The following LTF variants were observed in gnomAD, a reference collection of about 807,000 sequenced individuals.
The protein encoded by LTF is epididymis luminal protein 110.
LTF carries 91 observed loss-of-function variants against 87.2 expected under a neutral mutation model. The ratio of observed to expected loss-of-function variants is 1.04; its 90% CI spans 0.88 to 1.24. The LOEUF (loss-of-function observed/expected upper bound fraction) is 1.24, where lower values mean the gene tolerates loss of function less well. Among genes scored for constraint, LTF ranks in the 50% most tolerant of loss-of-function variants. LTF has a pLI of 0.00. For missense variants in LTF, 901 were observed against 904.3 expected (o/e 1.00, Z 0.05); for synonymous variants, 378 against 356.1 (o/e 1.06, Z -0.69).
intron 16 of LTF, among the ~76,000 whole-genome samples, chr3:46,437,183 A>T (rs776137484): frequency 1.3e-5 from 2 of 152,246 alleles, no homozygotes; most frequent in Admixed American, 1.3e-4. Flanking sequence ...ATACTCTGTG[A>T]TGTCTTCTAA....
intron 14 of LTF, among the ~76,000 whole-genome samples, chr3:46,439,747 G>A (rs1432200428): frequency 6.6e-6 from 1 of 152,202 alleles, no homozygotes; most frequent in African/African-American, 2.4e-5. Flanking sequence ...CATGAACCTC[G>A]AAAACGATGC....
At chr3:46,441,371 C>A (rs759060525) in intron 14 of LTF, 45 bp downstream of exon 14, 1 of 1,503,940 alleles carries the variant, frequency 6.6e-7, no homozygotes, top group Non-Finnish European at 9.2e-7. Flanking sequence ...TGTTGTGATG[C>A]CAAAGACTCT....
At chr3:46,449,332 C>A (rs952845167) in intron 8 of LTF, among the ~76,000 whole-genome samples, 2 of 152,188 alleles carry the variant, frequency 1.3e-5, no homozygotes, top group African/African-American at 2.4e-5. Flanking sequence ...GACCCAGAGA[C>A]CAGTGACAGT....
intron 6 of LTF, among the ~76,000 whole-genome samples, chr3:46,450,910 G>C (rs1702788635): frequency 6.6e-6 from 1 of 152,150 alleles, no homozygotes; most frequent in South Asian, 2.1e-4. Flanking sequence ...GCCACCCTGG[G>C]GTTCCCGTGC....
chr3:46,449,823 C>A (rs375031745), intron 8 of LTF, 31 bp downstream of exon 8: 2 of 1,611,456 alleles, frequency 1.2e-6, no homozygotes, highest in African/African-American at 1.3e-5. Context: ...CCACACCAGG[C>A]GGACCTCAGG....
chr3:46,450,351 C>T (rs1050351243), intron 7 of LTF, 144 bp downstream of exon 7: 9 of 858,070 alleles, frequency 1.0e-5, no homozygotes, highest in Admixed American at 5.1e-5. Flanking sequence ...CACAGTACAG[C>T]CTGGGCAAGC....
intron 1 of LTF, among the ~76,000 whole-genome samples, chr3:46,476,392 T>A (rs1703359927): frequency 6.6e-6 from 1 of 152,234 alleles, no homozygotes; most frequent in African/African-American, 2.4e-5. Context: ...TAAACATGAA[T>A]GGATGTTGAA....
intron 7 of LTF, 67 bp downstream of exon 7, chr3:46,450,428 G>A (rs1575314015): frequency 6.6e-7 from 1 of 1,518,210 alleles, no homozygotes; most frequent in African/African-American, 1.4e-5. Flanking sequence ...AGAAGTCAGG[G>A]AAGTAAGAAA....
intron 11 of LTF, among the ~76,000 whole-genome samples, chr3:46,445,775 G>C (rs1345076978): frequency 6.6e-6 from 1 of 152,198 alleles, no homozygotes; most frequent in Non-Finnish European, 1.5e-5. Context: ...AACAACAAGA[G>C]AGACCCCAAC....
intron 1 of LTF, among the ~76,000 whole-genome samples, chr3:46,479,744 T>C (rs1311703360): frequency 6.6e-6 from 1 of 152,118 alleles, no homozygotes; most frequent in Non-Finnish European, 1.5e-5. Context: ...TCTAGGCTGG[T>C]CTCGAACTCC....
At chr3:46,473,259 T>C (rs1703317808) in intron 1 of LTF, among the ~76,000 whole-genome samples, 1 of 152,160 alleles carries the variant, frequency 6.6e-6, no homozygotes, top group African/African-American at 2.4e-5. Context: ...AGAACCTCAA[T>C]CTCCTTCCTC....
chr3:46,483,513 G>A (rs1185812409), intron 1 of LTF, among the ~76,000 whole-genome samples: 5 of 152,138 alleles, frequency 3.3e-5, no homozygotes, highest in Non-Finnish European at 1.5e-5. Context: ...TAAGAGGTTG[G>A]ACACAAAAGA....
rs144111141 is a variant in LTF, at chr3:46,443,532, G to A, written c.1564C>T (p.Leu522Phe). The A allele has an allele frequency of 1.7e-4, 279 of 1,614,072 alleles. No homozygotes were observed. Among genetic ancestry groups the A allele is most frequent in the Non-Finnish European group, 2.3e-4 (272 of 1,180,038 alleles). ...CAPGSDPRSN[L>F]CALCIGDEQG... ...TCGTCGCCAATACACAGAGCACAGA[G>A]ATTAGATCTCGGGTCAGACCCAGGG... Residue 522 changes from leucine (L) to phenylalanine (F), a missense_variant, in exon 13 of 17, where the codon CTC becomes TTC. Transcript: ENST00000231751.
At chr3:46,456,686 C>A (rs1346579996) in intron 2 of LTF, among the ~76,000 whole-genome samples, 3 of 152,140 alleles carry the variant, frequency 2.0e-5, no homozygotes, top group Non-Finnish European at 1.5e-5. Context: ...TATTTGAAGT[C>A]GTTTGTTCTA....
At chr3:46,451,401 G>A (rs112404654) in intron 6 of LTF, among the ~76,000 whole-genome samples, 1 of 152,088 alleles carries the variant, frequency 6.6e-6, no homozygotes, top group Admixed American at 6.5e-5. Context: ...TGGAATGAAG[G>A]TTTACCAGTG....
intron 10 of LTF, 89 bp downstream of exon 10, chr3:46,447,219 G>A (rs1702676637): frequency 2.3e-6 from 2 of 884,720 alleles, no homozygotes; most frequent in African/African-American, 1.6e-5. Flanking sequence ...TCATCATAAT[G>A]TTTCACCTGC....
Position 46,455,408 on chromosome 3 carries a change from G to GGGAACACAGCTGGCTGAGAAGAACC in LTF, c.509_533dup (p.Gly179ValfsTer12). ...TGGGGAACTGTCCTTTATCTGCACCGGGAACACAGCTGGCTGAGAAGAACC... is the reference window on the plus strand; with the variant it reads ...TGGGGAACTGTCCTTTATCTGCACCGGGAACACAGCTGGCTGAGAAGAACCGGAACACAGCTGGCTGAGAAGAACC... On this transcript the variant is annotated frameshift_variant, in exon 5 of 17. Transcript: ENST00000231751. LOFTEE classifies it high-confidence loss of function. 1 of 1,614,182 alleles carries GGGAACACAGCTGGCTGAGAAGAACC rather than the reference G, an allele frequency of 6.2e-7. No homozygotes were observed. Among genetic ancestry groups the GGGAACACAGCTGGCTGAGAAGAACC allele is most frequent in the South Asian group, 1.1e-5 (1 of 91,076 alleles).
chr3:46,455,923 C>T lies in LTF; in HGVS notation c.372G>A (p.Gln124=). ...VAVVKKGGSF[Q]LNELQGLKSC... Reference sequence around the variant, plus strand: ...ACTTCAGACCTTGCAGTTCGTTCAGCTGAAAGCTGCCGCCCTTCTTCACCA... The same window carrying T: ...ACTTCAGACCTTGCAGTTCGTTCAGTTGAAAGCTGCCGCCCTTCTTCACCA... Residue 124 remains glutamine, a synonymous_variant, in exon 4 of 17, where the codon CAG becomes CAA. Transcript: ENST00000231751. 1.9e-6 allele frequency: 3 copies of T among 1,612,662 alleles called. No homozygotes were observed. The South Asian group carries it at 3.3e-5, about 18-fold the overall frequency.
intron 9 of LTF, 28 bp downstream of exon 9, chr3:46,448,835 C>T (rs769129602): frequency 1.7e-5 from 28 of 1,607,540 alleles, no homozygotes; most frequent in Middle Eastern, 3.3e-4. Flanking sequence ...CCGGGCCCAC[C>T]GCCCGCCCCT....
Sources: gnomAD v4.1 joint callset for allele counts (sites outside exome capture counted in the v4.1 genomes callset) on GRCh38, gnomAD v4.1.1 for gene constraint, MANE v1.5 for transcripts, NCBI Gene and HGNC (gene_info 2026-07-23, HGNC 2026-07-21) for gene names.